The following RNF10 variants were observed in gnomAD, a reference collection of about 807,000 sequenced individuals.
RNF10 encodes ring finger protein 10, also known as E3 ubiquitin-protein ligase RNF10.
RNF10 carries 38 observed loss-of-function variants against 91.4 expected under a neutral mutation model. The observed-to-expected ratio is 0.42, with a 90% confidence interval of 0.32 to 0.54. RNF10 has a LOEUF of 0.54. Ranked by LOEUF, RNF10 falls within the 20% of genes least tolerant of loss-of-function variation. The pLI, the probability that RNF10 is intolerant of heterozygous loss-of-function variation, is 0.16. For synonymous variants in RNF10, 364 were observed against 366.3 expected, an observed-to-expected ratio of 0.99 and a Z score of 0.07; for missense variants, 945 against 1,012.0, an observed-to-expected ratio of 0.93 and a Z score of 0.90.
chr12:120,536,611 G>C (rs1294579276), intron 1 of RNF10, among the ~76,000 whole-genome samples: 1 of 152,236 alleles, frequency 6.6e-6, no homozygotes, highest in Non-Finnish European at 1.5e-5. Flanking sequence ...TGATTTTGCA[G>C]TTCTGCACAT....
intron 12 of RNF10, among the ~76,000 whole-genome samples, chr12:120,565,939 A>G (rs758326654): frequency 4.6e-5 from 7 of 152,242 alleles, no homozygotes; most frequent in African/African-American, 4.8e-5. Context: ...TAGACTAGGA[A>G]ATGCAGGAAG....
At position 120,546,568 on chromosome 12, in the gene RNF10, T is replaced by C; in HGVS notation, c.321T>C (p.Phe107=). 2.5e-6 allele frequency: 4 copies of C among 1,613,384 alleles called. No individual in the cohort carries two copies. Among genetic ancestry groups the C allele is most frequent in the Non-Finnish European group, 3.4e-6 (4 of 1,179,844 alleles). ...PQRGGGSSKL[F]SSSFNGGRRD... is the part of the protein sequence containing the mutation. ...GGGGCGGCGGCAGCAGCAAACTCTT[T>C]AGCTCTTCTTTTAATGGTGGAAGAC... is the stretch of plus-strand genomic sequence containing the variant. The change falls in exon 2 of 17, where the codon TTT becomes TTC. Residue 107 remains phenylalanine (F), a synonymous_variant. Coordinates refer to ENST00000325954, the MANE Select transcript of RNF10 (RefSeq NM_014868.5).
rs1870476476 is a variant in RNF10, at chr12:120,534,769, G to C, written c.-43G>C. The C allele has an allele frequency of 1.3e-6, 2 of 1,525,080 alleles. No homozygotes were observed. The highest frequency in any genetic ancestry group is 1.7e-6 in the Non-Finnish European group (2 of 1,143,646). 94.5% of individuals were successfully genotyped at this position (1,525,080 alleles called of 1,614,324 possible). On this transcript the variant is annotated 5_prime_UTR_variant, in exon 1 of 17. Transcript: ENST00000325954. ...CGCCATGAGCCTGGGTCCCCGCCGC[G>C]CCCGCTCCGCTCCGACTGCCGTCGC...
chr12:120,572,128 G>A lies in RNF10; in HGVS notation c.2142+837G>A, dbSNP rs900704812. ...GTCCCCCAGGCTGGAGTTCCGTGGC[G>A]CGATCTTGGCTTGCTGTAAGCTCCG... On this transcript the variant is annotated intron_variant, in intron 14 of 16. Transcript: ENST00000325954. Among the ~76,000 whole-genome samples the A allele has an allele frequency of 2.0e-5, 3 of 150,772 alleles. No individual in the cohort carries two copies. In the South Asian group the frequency reaches 6.3e-4, roughly 32 times the overall value.
At chr12:120,573,831 C>G (rs1877011971) in intron 14 of RNF10, among the ~76,000 whole-genome samples, 1 of 152,188 alleles carries the variant, frequency 6.6e-6, no homozygotes, top group Non-Finnish European at 1.5e-5. Flanking sequence ...CTTTGTGAAA[C>G]TGGACACACC....
Position 120,563,354 on chromosome 12 carries a change from TG to T in RNF10, c.1264del (p.Glu422SerfsTer28), listed in dbSNP as rs1415847612. Reference sequence around the variant, plus strand: ...TAGAGTTTGCTGCAACAGGGTGTGCTGGAGTATCTGTCTGCCTTCGATGAAG... The same window carrying T: ...TAGAGTTTGCTGCAACAGGGTGTGCTGAGTATCTGTCTGCCTTCGATGAAG... ...ESVFQPRKGVLEYLSAFDEET... is the reference protein window; with the variant it reads ...ESVFQPRKGVXEYLSAFDEET... On this transcript the variant is annotated frameshift_variant, in exon 9 of 17. Transcript: ENST00000325954. LOFTEE classifies it high-confidence loss of function. The T allele has an allele frequency of 6.2e-7, 1 of 1,610,460 alleles. No individual in the cohort carries two copies.
chr12:120,563,043 G>A lies in RNF10; in HGVS notation c.1227G>A (p.Ala409=), dbSNP rs61760870. 0.019 allele frequency: 31,400 copies of A among 1,614,064 alleles called. 352 individuals are homozygous for A. Among genetic ancestry groups the A allele is most frequent in the Non-Finnish European group, 0.023 (26,989 of 1,179,960 alleles). The stretch of plus-strand genomic sequence containing the variant: ...AACTGGTGCTGATGGCTCCCTTGGC[G>A]AAGGAGTCTGTTTTTCAACCCAGGA... The part of the protein sequence containing the change: ...LEQLVLMAPL[A]KESVFQPRKG... Residue 409 remains alanine (A), a synonymous_variant, in exon 8 of 17, where the codon GCG becomes GCA. Transcript: ENST00000325954.
In RNF10 at chr12:120,546,594, G is replaced by A. The variant is rs770748090; in HGVS notation, c.347G>A (p.Arg116Gln). ...AGCTCTTCTTTTAATGGTGGAAGAC[G>A]AGATGAGGTATGGAATTTGAGAATG... Reference protein sequence around the residue: ...LFSSSFNGGRRDEVAEAQRAE... With the variant: ...LFSSSFNGGRQDEVAEAQRAE... The change falls in exon 2 of 17, where the codon CGA becomes CAA. Residue 116 changes from arginine (R) to glutamine (Q), a missense_variant. Physicochemically the swap from Arg to Gln is conservative, Grantham distance 43. Transcript: ENST00000325954. The A allele has an allele frequency of 1.2e-6, 2 of 1,612,668 alleles. No homozygotes were observed. Among genetic ancestry groups the A allele is most frequent in the African/African-American group, 1.3e-5 (1 of 74,770 alleles).
intron 3 of RNF10, among the ~76,000 whole-genome samples, chr12:120,553,245 G>A (rs927451628): frequency 5.2e-5 from 7 of 133,478 alleles, no homozygotes; most frequent in South Asian, 5.0e-4. Flanking sequence ...CACCACCCCC[G>A]TCTAATTTTT....
intron 7 of RNF10, 148 bp from the exon 8 acceptor site, chr12:120,562,797 G>A: frequency 1.2e-6 from 1 of 840,166 alleles, no homozygotes; most frequent in Non-Finnish European, 1.9e-6. Context: ...TCAAAGTTGA[G>A]ATATTTAAGC....
chr12:120,569,636 T>G lies in RNF10; in HGVS notation c.2042-1555T>G, dbSNP rs563626394. Among the ~76,000 whole-genome samples the G allele has an allele frequency of 3.3e-5, 5 of 150,730 alleles. No homozygotes were observed. In the East Asian group the frequency reaches 9.9e-4, roughly 30 times the overall value. On this transcript the variant is annotated intron_variant, in intron 13 of 16. Coordinates refer to ENST00000325954, the MANE Select transcript of RNF10 (RefSeq NM_014868.5). ...TCACTGCAACCTCTGCGTCCCAGGTTGAAGCAATTCTTGTGCCTCAGCCTC... is the reference window on the plus strand; with the variant it reads ...TCACTGCAACCTCTGCGTCCCAGGTGGAAGCAATTCTTGTGCCTCAGCCTC...
chr12:120,552,107 C>T (rs956625752), intron 2 of RNF10, among the ~76,000 whole-genome samples: 2 of 142,302 alleles, frequency 1.4e-5, no homozygotes, highest in Non-Finnish European at 3.1e-5. Context: ...AAAAATTCCT[C>T]TTCCTGGCCG....
intron 4 of RNF10, among the ~76,000 whole-genome samples, chr12:120,556,392 G>A (rs1026796206): frequency 3.3e-5 from 5 of 151,262 alleles, no homozygotes; most frequent in East Asian, 2.0e-4. Flanking sequence ...TTAGCCCGGC[G>A]CAGTGGCGGG....
intron 13 of RNF10, among the ~76,000 whole-genome samples, chr12:120,568,299 A>G (rs907234949): frequency 6.6e-6 from 1 of 152,202 alleles, no homozygotes; most frequent in African/African-American, 2.4e-5. Flanking sequence ...GTAGTGTTAC[A>G]TTCTAAGGAA....
In RNF10 at chr12:120,576,718, T is replaced by C. The variant is rs747083327; in HGVS notation, c.*52T>C. 29 of 1,594,016 alleles carry C rather than the reference T, an allele frequency of 1.8e-5. No homozygotes were observed. In the South Asian group the frequency reaches 2.0e-4, roughly 11 times the overall value. On this transcript the variant is annotated 3_prime_UTR_variant, in exon 17 of 17. Transcript: ENST00000325954. ...ATCTGGTTTTTGTTTTTGTTTTTTT[T>C]TCCCCCATGCTTTTGTTTGGCTGCT... is the stretch of plus-strand genomic sequence containing the variant.
chr12:120,554,337 GGCCGAGAA>G (rs1474345201), intron 3 of RNF10: 1 of 200,620 alleles, frequency 5.0e-6, no homozygotes, highest in Non-Finnish European at 1.0e-5. Context: ...CACTGTGCCT[GGCCGAGAA>G]CAGTCTTTTC....
chr12:120,574,433 G>C (rs1877099175), intron 14 of RNF10: 1 of 455,862 alleles, frequency 2.2e-6, no homozygotes, highest in South Asian at 1.5e-5. Context: ...TTCCTCAGGG[G>C]CATGAGGATT....
intron 2 of RNF10, among the ~76,000 whole-genome samples, chr12:120,548,519 A>G (rs1441863210): frequency 6.6e-6 from 1 of 152,178 alleles, no homozygotes; most frequent in Non-Finnish European, 1.5e-5. Flanking sequence ...TGAAAATGGC[A>G]TGTAGATTGG....
At chr12:120,540,148 G>T (rs1247915214) in intron 1 of RNF10, among the ~76,000 whole-genome samples, 2 of 147,972 alleles carry the variant, frequency 1.4e-5, no homozygotes, top group East Asian at 3.9e-4. Flanking sequence ...TTTTTGTAGA[G>T]ATGGGGGTCT....
Sources: gnomAD v4.1 joint callset for allele counts (sites outside exome capture counted in the v4.1 genomes callset) on GRCh38, gnomAD v4.1.1 for gene constraint, MANE v1.5 for transcripts, NCBI Gene and HGNC (gene_info 2026-07-23, HGNC 2026-07-21) for gene names.